AGPAT5: variants seen among roughly 807,000 people sequenced by gnomAD.
The protein encoded by AGPAT5 is 1-acyl-sn-glycerol-3-phosphate acyltransferase epsilon.
A neutral mutation model predicts 45.6 loss-of-function variants in AGPAT5; 46 were observed. The observed-to-expected ratio is 1.01, with a 90% CI of 0.80 to 1.29. AGPAT5 has a LOEUF of 1.29. Among genes scored for constraint, AGPAT5 ranks in the 50% most tolerant of loss-of-function variants. The pLI is 0.00. For synonymous variants in AGPAT5, 272 were observed against 167.0 expected (o/e 1.63, Z -4.85); for missense variants, 673 against 450.7 (o/e 1.49, Z -4.47).
chr8:6,746,007 C>A, intron 5 of AGPAT5: 1 of 151,722 alleles, frequency 6.6e-6, no homozygotes, highest in Non-Finnish European at 1.5e-5. Flanking sequence ...CCCTCCCTCC[C>A]TTTCTTCCTT....
At chr8:6,709,916 G>A (rs1217238046) in intron 1 of AGPAT5, among the ~76,000 whole-genome samples, 1 of 152,166 alleles carries the variant, frequency 6.6e-6, no homozygotes, top group African/African-American at 2.4e-5. Context: ...AAAAGATACT[G>A]TTCCAGGTCA....
intron 4 of AGPAT5, among the ~76,000 whole-genome samples, chr8:6,735,188 G>A (rs1002438082): frequency 6.6e-6 from 1 of 152,096 alleles, no homozygotes; most frequent in Non-Finnish European, 1.5e-5. Context: ...GCCTCATCGA[G>A]TATTCATCCG....
intron 4 of AGPAT5, among the ~76,000 whole-genome samples, chr8:6,737,262 C>T (rs924270243): frequency 2.0e-5 from 3 of 152,142 alleles, no homozygotes; most frequent in Admixed American, 6.5e-5. Context: ...TTAATATGTA[C>T]GCCCTGTGAG....
intron 1 of AGPAT5, among the ~76,000 whole-genome samples, chr8:6,712,623 G>C (rs1207588650): frequency 6.6e-6 from 1 of 152,118 alleles, no homozygotes; most frequent in Non-Finnish European, 1.5e-5. Flanking sequence ...GAAAGTTGGA[G>C]TACTGACAGA....
rs146674162 is a variant in AGPAT5, at chr8:6,753,275, C to T, written c.746-1776C>T. ...CACGAAGCATTCTATTTCTGACATT[C>T]GAAATGCAGTCTGTTCCATCTTCCT... On this transcript the variant is annotated intron_variant, in intron 6 of 7. Transcript: ENST00000285518. 2.6e-3 allele frequency among the ~76,000 whole-genome samples: 392 copies of T among 152,274 alleles called. 2 individuals are homozygous for T. The highest frequency in any genetic ancestry group is 8.3e-3 in the African/African-American group (347 of 41,564).
At chr8:6,751,323 T>G (rs1246058127) in intron 6 of AGPAT5, among the ~76,000 whole-genome samples, 1 of 152,218 alleles carries the variant, frequency 6.6e-6, no homozygotes, top group Non-Finnish European at 1.5e-5. Flanking sequence ...AGTTGGTAGA[T>G]TGTTGATATG....
intron 4 of AGPAT5, among the ~76,000 whole-genome samples, chr8:6,735,013 C>G (rs894007398): frequency 2.0e-5 from 3 of 152,034 alleles, no homozygotes; most frequent in Non-Finnish European, 2.9e-5. Flanking sequence ...ACTGAACTCT[C>G]GCTAGTTTGG....
At chr8:6,751,960 C>G (rs1290820546) in intron 6 of AGPAT5, among the ~76,000 whole-genome samples, 2 of 152,078 alleles carry the variant, frequency 1.3e-5, no homozygotes, top group Non-Finnish European at 2.9e-5. Context: ...GGGTGGATCA[C>G]AAGGTCAGGA....
At chr8:6,732,689 C>G in intron 4 of AGPAT5, 39 bp downstream of exon 4, 1 of 1,462,010 alleles carries the variant, frequency 6.8e-7, no homozygotes, top group Non-Finnish European at 9.3e-7. Flanking sequence ...TACCAGCTCT[C>G]AGTTTCTAAA....
rs988871969 is a variant in AGPAT5 at position 6,757,529 on chromosome 8, A to G, written c.*141A>G. On this transcript the variant is annotated 3_prime_UTR_variant, in exon 8 of 8. Transcript: ENST00000285518. ...TGAAGATTGGATAATAGAATTTGTGACGAAAGCTGATATGCAATGGTCTTG... is the reference window on the plus strand; with the variant it reads ...TGAAGATTGGATAATAGAATTTGTGGCGAAAGCTGATATGCAATGGTCTTG... 1.6e-5 allele frequency: 11 copies of G among 691,712 alleles called. No individual in the cohort carries two copies. In the African/African-American group the frequency reaches 2.0e-4, roughly 12 times the overall value. 42.8% of individuals were successfully genotyped at this position (691,712 alleles called of 1,614,324 possible). A position where few individuals can be genotyped will look rare whatever the true frequency, so the allele number is the denominator to read the frequency against.
At position 6,755,119 on chromosome 8, in the gene AGPAT5, G is replaced by T; in HGVS notation, c.814G>T (p.Glu272Ter). ...IDRIDKKDVP[E>*]EQEHMRRWLH... ...TCGTATCGACAAAAAAGATGTCCCA[G>T]AAGAACAAGAACATATGAGAAGATG... Residue 272 changes from glutamate (E) to a stop codon, truncating the protein, a stop_gained, in exon 7 of 8, where the codon GAA (glutamate) becomes TAA (stop). Coordinates refer to ENST00000285518, the MANE Select transcript of AGPAT5 (RefSeq NM_018361.5). LOFTEE classifies it high-confidence loss of function. 1 of 1,608,826 alleles carries T rather than the reference G, an allele frequency of 6.2e-7. No individual in the cohort carries two copies. Among genetic ancestry groups the T allele is most frequent in the Non-Finnish European group, 8.5e-7 (1 of 1,179,022 alleles).
intron 4 of AGPAT5, among the ~76,000 whole-genome samples, chr8:6,740,306 A>G (rs1289820895): frequency 1.3e-5 from 2 of 151,968 alleles, no homozygotes; most frequent in Non-Finnish European, 2.9e-5. Flanking sequence ...TTTCATGAAA[A>G]TGAATGTGTG....
rs771163153 is a variant in AGPAT5 at position 6,757,374 on chromosome 8, A to G, written c.1081A>G (p.Thr361Ala). ...AACCCTACTTGGCTGCCTGTGGGTT[A>G]CTATTAAAGCATAGACAAGTAGCTG... The part of the protein sequence containing the change: ...YGTLLGCLWV[T>A]IKA The change falls in exon 8 of 8, where the codon ACT becomes GCT. Residue 361 changes from threonine to alanine, a missense_variant. Thr to Ala is a moderately conservative substitution (Grantham distance 58, BLOSUM62 0). Transcript: ENST00000285518. 1.1e-5 allele frequency: 17 copies of G among 1,614,076 alleles called. No individual in the cohort carries two copies. Among genetic ancestry groups the G allele is most frequent in the South Asian group, 8.8e-5 (8 of 91,070 alleles).
chr8:6,722,341 TG>T (rs2116873581), intron 1 of AGPAT5, among the ~76,000 whole-genome samples: 1 of 152,330 alleles, frequency 6.6e-6, no homozygotes, highest in South Asian at 2.1e-4. Flanking sequence ...CATATTTGGG[TG>T]TGGCATATTC....
chr8:6,754,490 T>C lies in AGPAT5; in HGVS notation c.746-561T>C, dbSNP rs147419284. Among the ~76,000 whole-genome samples the C allele has an allele frequency of 1.2e-4, 18 of 152,304 alleles. No homozygotes were observed. In the East Asian group the frequency reaches 2.7e-3, roughly 23 times the overall value. On this transcript the variant is annotated intron_variant, in intron 6 of 7. Transcript: ENST00000285518. ...TGTGTAGCAGTCAGTGACGAGAAGC[T>C]GTGTGTCAGGCGACAAGCAAAGTTG...
chr8:6,760,419 T>G lies in AGPAT5; in HGVS notation c.*3031T>G, dbSNP rs1002972462. ...ACTCTTAGAAAATGAAAAGGAAATA[T>G]AGAAATATAAAATTTGCTTATTATA... On this transcript the variant is annotated 3_prime_UTR_variant, in exon 8 of 8. Transcript: ENST00000285518. Among the ~76,000 whole-genome samples, 1 of 151,934 alleles carries G rather than the reference T, an allele frequency of 6.6e-6. No individual in the cohort carries two copies. The highest frequency in any genetic ancestry group is 1.5e-5 in the Non-Finnish European group (1 of 67,992).
At chr8:6,723,742 A>G (rs1249580859) in intron 1 of AGPAT5, among the ~76,000 whole-genome samples, 1 of 152,254 alleles carries the variant, frequency 6.6e-6, no homozygotes, top group Non-Finnish European at 1.5e-5. Context: ...GCAGTTTCTA[A>G]GGAAAGTAAT....
chr8:6,740,770 C>A (rs1801222174), intron 4 of AGPAT5, among the ~76,000 whole-genome samples: 2 of 152,134 alleles, frequency 1.3e-5, no homozygotes, highest in East Asian at 3.9e-4. Context: ...CAGAGGTAGA[C>A]AGTGTTGTCT....
intron 4 of AGPAT5, among the ~76,000 whole-genome samples, chr8:6,736,184 A>G (rs1013783843): frequency 6.6e-6 from 1 of 152,188 alleles, no homozygotes; most frequent in African/African-American, 2.4e-5. Flanking sequence ...TAATGTTGAC[A>G]TCTTACATAA....
Sources: gnomAD v4.1 joint callset for allele counts (sites outside exome capture counted in the v4.1 genomes callset) on GRCh38, gnomAD v4.1.1 for gene constraint, MANE v1.5 for transcripts, NCBI Gene and HGNC (gene_info 2026-07-23, HGNC 2026-07-21) for gene names.